The following FLT1 variants were observed in gnomAD, a reference collection of about 807,000 sequenced individuals.
FLT1 encodes the protein vascular endothelial growth factor receptor 1.
FLT1 carries 49 observed loss-of-function variants against 156.3 expected under a neutral mutation model. That is an observed-to-expected ratio of 0.31 (90% CI 0.25 to 0.40). The LOEUF is 0.40. Ranked by LOEUF, FLT1 falls within the 10% of genes least tolerant of loss-of-function variation. The probability of loss-of-function intolerance (pLI) is 1.00; values close to 1 mark genes in which losing one functional copy is unlikely to be tolerated. For synonymous variants in FLT1, 594 were observed against 583.8 expected (o/e 1.02, Z -0.25); for missense variants, 1,322 against 1,637.2 (o/e 0.81, Z 3.32).
rs1366601579 is a variant in FLT1 at position 28,473,769 on chromosome 13, GGAAGGAAGGAAAGAAAGAAAGAAAGAAA to G, written c.65-6180_65-6153del. ...AGGAAGGAAGGAAGGAAGGAAGGAA[GGAAGGAAGGAAAGAAAGAAAGAAAGAAA>G]GAAAGAAAGAAAGAAAGAAAGAAAG... On this transcript the variant is annotated intron_variant, in intron 1 of 29. Transcript: ENST00000282397. Among the ~76,000 whole-genome samples, 182 of 95,592 alleles carry G rather than the reference GGAAGGAAGGAAAGAAAGAAAGAAAGAAA, an allele frequency of 1.9e-3. 2 individuals carry two copies. Among genetic ancestry groups the G allele is most frequent in the African/African-American group, 7.5e-3 (162 of 21,558 alleles). 62.7% of individuals were successfully genotyped at this position (95,592 alleles called of 152,430 possible).
rs5802470 is a variant in FLT1 at position 28,303,492 on chromosome 13, ACC to A, written c.3816-126_3816-125del. On this transcript the variant is annotated intron_variant, in intron 29 of 29. Coordinates refer to ENST00000282397, the MANE Select transcript of FLT1 (RefSeq NM_002019.4). ...CCTGTCTAGAGTTCATGGTTTTGGA[ACC>A]CCCCCCCCCTCAATTGCTGTCAGAT... is the stretch of plus-strand genomic sequence containing the variant. The A allele has an allele frequency of 5.2e-4, 336 of 645,012 alleles. 1 individual carries two copies. Among genetic ancestry groups the A allele is most frequent in the African/African-American group, 3.9e-3 (209 of 52,936 alleles). The allele number at this position is 645,012 out of a possible 1,614,324, so 40.0% of individuals were successfully genotyped here.
intron 14 of FLT1, chr13:28,368,094 A>G: frequency 1.4e-6 from 1 of 705,864 alleles, no homozygotes; most frequent in Non-Finnish European, 1.7e-6. Flanking sequence ...GTAGGCAATT[A>G]ATGCATGTAT....
At chr13:28,397,675 C>G (rs1159875329) in intron 11 of FLT1, among the ~76,000 whole-genome samples, 1 of 151,858 alleles carries the variant, frequency 6.6e-6, no homozygotes, top group Admixed American at 6.6e-5. Flanking sequence ...GCACATGCCA[C>G]TGTACCTGGC....
chr13:28,487,760 C>T (rs1224642343), intron 1 of FLT1, among the ~76,000 whole-genome samples: 3 of 152,070 alleles, frequency 2.0e-5, no homozygotes, highest in Non-Finnish European at 4.4e-5. Context: ...GCCACCAAGT[C>T]ATTTTCTTTC....
intron 3 of FLT1, among the ~76,000 whole-genome samples, chr13:28,444,980 G>C (rs973719295): frequency 6.6e-6 from 1 of 152,004 alleles, no homozygotes; most frequent in East Asian, 1.9e-4. Flanking sequence ...GTAAAGAACA[G>C]AAAACTAAAC....
chr13:28,368,579 TATGATGATGATGATGATGACG>T (rs1441705823), intron 14 of FLT1: 21 of 1,494,518 alleles, frequency 1.4e-5, no homozygotes, highest in Non-Finnish European at 1.9e-5. Context: ...TGATGATAGC[TATGATGATGATGATGATGACG>T]ATGATGATGA....
chr13:28,305,669 A>G (rs142446114), intron 29 of FLT1, among the ~76,000 whole-genome samples: 151 of 152,348 alleles, frequency 9.9e-4, no homozygotes, highest in African/African-American at 3.5e-3. Flanking sequence ...TTATACTATA[A>G]TGCAAGCTTG....
At chr13:28,392,260 G>C (rs1566000140) in intron 12 of FLT1, among the ~76,000 whole-genome samples, 1 of 152,198 alleles carries the variant, frequency 6.6e-6, no homozygotes, top group Non-Finnish European at 1.5e-5. Context: ...AGGTTTTCCT[G>C]CTTTTAAAAT....
At chr13:28,416,802 C>G (rs1247268939) in intron 10 of FLT1, among the ~76,000 whole-genome samples, 1 of 152,106 alleles carries the variant, frequency 6.6e-6, no homozygotes, top group Admixed American at 6.5e-5. Flanking sequence ...TGTTCAAGTA[C>G]TTTTTTCATA....
chr13:28,342,238 C>A (rs1182253942), intron 16 of FLT1, among the ~76,000 whole-genome samples: 2 of 152,118 alleles, frequency 1.3e-5, no homozygotes, highest in African/African-American at 4.8e-5. Flanking sequence ...AGACTACTTC[C>A]CCGCTCTGGG....
intron 1 of FLT1, among the ~76,000 whole-genome samples, chr13:28,488,322 C>T (rs1881278363): frequency 6.6e-6 from 1 of 152,096 alleles, no homozygotes; most frequent in Non-Finnish European, 1.5e-5. Context: ...ATCATTTGAA[C>T]CTGGGAGGTG....
At chr13:28,484,237 T>G (rs1448617949) in intron 1 of FLT1, among the ~76,000 whole-genome samples, 1 of 152,202 alleles carries the variant, frequency 6.6e-6, no homozygotes, top group Non-Finnish European at 1.5e-5. Context: ...GTATTTTAGT[T>G]TCATTCTGGA....
chr13:28,442,788 T>C (rs748863886), intron 3 of FLT1, among the ~76,000 whole-genome samples: 1 of 152,048 alleles, frequency 6.6e-6, no homozygotes, highest in Non-Finnish European at 1.5e-5. Context: ...CTCTGCAATT[T>C]ACTTCAAGGA....
At position 28,387,971 on chromosome 13, in the gene FLT1, T is replaced by C. The variant is rs548120354; in HGVS notation, c.1969+1825A>G. ...AATTGCAAACAGGGGAAGGAAATGG[T>C]AGGTTCTGCATGTCCAATTCACCAT... On this transcript the variant is annotated intron_variant, in intron 13 of 29. Coordinates refer to ENST00000282397, the MANE Select transcript of FLT1 (RefSeq NM_002019.4). 161 of 1,061,324 alleles carry C rather than the reference T, an allele frequency of 1.5e-4. 1 individual carries two copies. In the South Asian group the frequency reaches 5.7e-3, roughly 38 times the overall value. The allele number at this position is 1,061,324 out of a possible 1,614,324, so 65.7% of individuals were successfully genotyped here.
chr13:28,322,950 T>G lies in FLT1; in HGVS notation c.2797-4A>C, dbSNP rs1871529015. ...GCTCCATGTGTAGTGCTGCATCCTT[T>G]GAAGAGACCGAAAAGGACCCAGGTG... On this transcript the variant is annotated splice_polypyrimidine_tract_variant and splice_region_variant and intron_variant, in intron 20 of 29. Coordinates refer to ENST00000282397, the MANE Select transcript of FLT1 (RefSeq NM_002019.4). This position sits in a 1 kb window ranked among gnomAD's most constrained non-coding sequence, Gnocchi z 4.3. The G allele has an allele frequency of 6.2e-7, 1 of 1,614,088 alleles. No homozygotes were observed. Among genetic ancestry groups the G allele is most frequent in the East Asian group, 2.2e-5 (1 of 44,882 alleles).
At chr13:28,419,698 C>T (rs9513107) in intron 10 of FLT1, among the ~76,000 whole-genome samples, 43,224 of 152,052 alleles carry the variant, frequency 0.28, 6,502 homozygotes, top group East Asian at 0.48. Context: ...GCTAACATGG[C>T]GAAACCGCGT....
At chr13:28,407,461 A>C (rs1875881633) in intron 10 of FLT1, among the ~76,000 whole-genome samples, 1 of 152,158 alleles carries the variant, frequency 6.6e-6, no homozygotes, top group South Asian at 2.1e-4. Flanking sequence ...AACAAATCTC[A>C]GGCATCTTGT....
At chr13:28,317,464 G>C (rs1424338213) in intron 25 of FLT1, 34 bp downstream of exon 25, 1 of 1,348,418 alleles carries the variant, frequency 7.4e-7, no homozygotes, top group African/African-American at 1.4e-5. Context: ...AAAGCGAGCT[G>C]TCAGATGGGG....
intron 12 of FLT1, 168 bp downstream of exon 12, chr13:28,396,792 G>A (rs747615761): frequency 1.0e-5 from 7 of 700,456 alleles, no homozygotes; most frequent in African/African-American, 3.5e-5. Context: ...TACGAGATCC[G>A]ATGAGGTAGA....
Sources: allele counts gnomAD v4.1 joint callset (sites outside exome capture counted in the v4.1 genomes callset), GRCh38; gene constraint gnomAD v4.1.1; non-coding constraint Gnocchi (gnomAD v3.1); transcripts MANE v1.5; gene names NCBI Gene and HGNC (gene_info 2026-07-23, HGNC 2026-07-21).